Variants in CAMK1D observed in about 807,000 individuals in gnomAD.
CAMK1D encodes the protein calcium/calmodulin-dependent protein kinase type 1D.
In CAMK1D, 9 loss-of-function variants were observed where a neutral mutation model predicts 47.7. The ratio of observed to expected loss-of-function variants is 0.19; its 90% confidence interval spans 0.11 to 0.33. CAMK1D has a LOEUF of 0.33. Ranked by LOEUF, CAMK1D falls within the 10% of genes least tolerant of loss-of-function variation. CAMK1D has a pLI of 1.00. For missense variants in CAMK1D, 291 were observed against 488.7 expected (o/e 0.60, Z 3.81); for synonymous variants, 184 against 184.9 (o/e 0.99, Z 0.04).
At chr10:12,479,974 C>T (rs1332162065) in intron 1 of CAMK1D, among the ~76,000 whole-genome samples, 2 of 152,140 alleles carry the variant, frequency 1.3e-5, no homozygotes, top group Non-Finnish European at 2.9e-5. Flanking sequence ...CAGCCAAAGA[C>T]TAAAAAAAGG....
rs145491457 is a variant in CAMK1D, at chr10:12,828,870, C to T, written c.1141C>T (p.His381Tyr). ...RPRPTTVTAV[H>Y]SGSK ...CAGGCCCACCACTGTGACGGCAGTG[C>T]ACTCTGGAAGCAAGTGACTGGCCCT... Residue 381 changes from histidine (H) to tyrosine (Y), a missense_variant, in exon 11 of 11, where the codon CAC (histidine) becomes TAC (tyrosine). By Grantham distance (83) the His-to-Tyr change is moderately conservative (BLOSUM62 2). Around this residue, in one of 2 missense-constraint regions of CAMK1D, gnomAD observed 72 missense variants for 64.4 expected, o/e 1.12. Coordinates refer to ENST00000619168, the MANE Select transcript of CAMK1D (RefSeq NM_153498.4). 3.3e-5 allele frequency: 54 copies of T among 1,612,340 alleles called. 1 individual carries two copies. In the East Asian group the frequency reaches 5.1e-4, roughly 15 times the overall value.
chr10:12,683,369 A>G (rs900269814), intron 3 of CAMK1D, among the ~76,000 whole-genome samples: 1 of 152,122 alleles, frequency 6.6e-6, no homozygotes, highest in Non-Finnish European at 1.5e-5. Context: ...TACAGGTGTA[A>G]GCCACTGCAC....
At chr10:12,803,453 G>A (rs888189662) in intron 6 of CAMK1D, among the ~76,000 whole-genome samples, 1 of 152,014 alleles carries the variant, frequency 6.6e-6, no homozygotes, top group Non-Finnish European at 1.5e-5. Flanking sequence ...AGGCTGAGGC[G>A]GGCAGGTCAC....
At chr10:12,603,218 GTTTCCTAATACA>G (rs1258390839) in intron 2 of CAMK1D, among the ~76,000 whole-genome samples, 1 of 152,004 alleles carries the variant, frequency 6.6e-6, no homozygotes, top group Non-Finnish European at 1.5e-5. Context: ...GCTTGTTGAT[GTTTCCTAATACA>G]TTTCCTACAG....
chr10:12,549,898 T>C (rs1417526739), intron 1 of CAMK1D, among the ~76,000 whole-genome samples: 2 of 152,210 alleles, frequency 1.3e-5, no homozygotes, highest in Non-Finnish European at 2.9e-5. Flanking sequence ...TCTCTCGGGC[T>C]GAGTCCTGCG....
intron 1 of CAMK1D, among the ~76,000 whole-genome samples, chr10:12,539,673 G>A (rs527300445): frequency 1.3e-5 from 2 of 152,320 alleles, no homozygotes; most frequent in African/African-American, 4.8e-5. Flanking sequence ...GGAGAAATCT[G>A]TCTCCAACAG....
intron 1 of CAMK1D, among the ~76,000 whole-genome samples, chr10:12,428,307 C>G (rs1041988167): frequency 2.0e-5 from 3 of 152,140 alleles, no homozygotes; most frequent in Non-Finnish European, 4.4e-5. Context: ...GCTGGCTTTT[C>G]TGAGCCCTCT....
intron 1 of CAMK1D, among the ~76,000 whole-genome samples, chr10:12,504,080 A>G (rs1164073449): frequency 1.3e-5 from 2 of 152,038 alleles, no homozygotes; most frequent in African/African-American, 2.4e-5. Flanking sequence ...AAGCTGCTCC[A>G]GTAAACATAA....
intron 2 of CAMK1D, among the ~76,000 whole-genome samples, chr10:12,595,716 A>G (rs1838129623): frequency 6.6e-6 from 1 of 152,148 alleles, no homozygotes; most frequent in African/African-American, 2.4e-5. Flanking sequence ...CCCAGAGACC[A>G]CTGCCACCTG....
At chr10:12,569,882 T>C (rs1299256349) in intron 2 of CAMK1D, among the ~76,000 whole-genome samples, 1 of 151,902 alleles carries the variant, frequency 6.6e-6, no homozygotes, top group Non-Finnish European at 1.5e-5. Context: ...TTCAAGACTC[T>C]ACAAGTACTT....
intron 6 of CAMK1D, 61 bp from the exon 7 acceptor site, chr10:12,814,134 G>C: frequency 9.1e-7 from 1 of 1,098,330 alleles, no homozygotes; most frequent in Non-Finnish European, 1.4e-6. Flanking sequence ...TCCAGGCAAA[G>C]TGTACAGTCA....
At chr10:12,443,715 C>T (rs754575583) in intron 1 of CAMK1D, among the ~76,000 whole-genome samples, 2 of 152,016 alleles carry the variant, frequency 1.3e-5, no homozygotes, top group South Asian at 2.1e-4. Context: ...CTACAGCCTC[C>T]GCTCCCCGGG....
intron 3 of CAMK1D, among the ~76,000 whole-genome samples, chr10:12,739,013 G>C (rs1458430606): frequency 6.6e-6 from 1 of 152,132 alleles, no homozygotes; most frequent in African/African-American, 2.4e-5. Context: ...GAAGATGGTG[G>C]ATCGCTTGAG....
intron 1 of CAMK1D, among the ~76,000 whole-genome samples, chr10:12,448,230 G>A (rs982897356): frequency 3.3e-5 from 5 of 150,986 alleles, no homozygotes; most frequent in Non-Finnish European, 7.4e-5. Flanking sequence ...TCTCTATATT[G>A]CCCAGGCTGA....
At chr10:12,627,904 C>T (rs910763462) in intron 2 of CAMK1D, among the ~76,000 whole-genome samples, 1 of 151,846 alleles carries the variant, frequency 6.6e-6, no homozygotes, top group Non-Finnish European at 1.5e-5. Flanking sequence ...ATGGTGAAAC[C>T]CCCTCTCTAC....
At chr10:12,387,396 ATTTT>A (rs1239842000) in intron 1 of CAMK1D, among the ~76,000 whole-genome samples, 35 of 43,150 alleles carry the variant, frequency 8.1e-4, no homozygotes, top group Non-Finnish European at 1.7e-3. Context: ...TATATTATAT[ATTTT>A]TATATATTAT....
rs1339211197 is a variant in CAMK1D at position 12,659,369 on chromosome 10, G to T, written c.225-7367G>T. Among the ~76,000 whole-genome samples, 3 of 152,316 alleles carry T rather than the reference G, an allele frequency of 2.0e-5. No homozygotes were observed. In the East Asian group the frequency reaches 5.8e-4, roughly 29 times the overall value. On this transcript the variant is annotated intron_variant, in intron 2 of 10. Coordinates refer to ENST00000619168, the MANE Select transcript of CAMK1D (RefSeq NM_153498.4). ...GAAGAGAGTGAGACCAGAGGGAGTT[G>T]GGGAGAACAATTAAGTGATTATAAA...
intron 1 of CAMK1D, among the ~76,000 whole-genome samples, chr10:12,534,989 G>A (rs1329147770): frequency 6.6e-6 from 1 of 152,232 alleles, no homozygotes; most frequent in African/African-American, 2.4e-5. Context: ...GTCTAGCTCT[G>A]TGCCTGGGAA....
chr10:12,412,124 C>G (rs1839677863), intron 1 of CAMK1D, among the ~76,000 whole-genome samples: 1 of 152,134 alleles, frequency 6.6e-6, no homozygotes, highest in Non-Finnish European at 1.5e-5. Context: ...CTTTTCCCAC[C>G]ATTTTACAGC....
Sources: gnomAD v4.1 joint callset for allele counts (sites outside exome capture counted in the v4.1 genomes callset) on GRCh38, gnomAD v4.1.1 for gene constraint, gnomAD v4.1.1 regional missense constraint, MANE v1.5 for transcripts, NCBI Gene and HGNC (gene_info 2026-07-23, HGNC 2026-07-21) for gene names.